Variants in SLC9A9 observed in about 807,000 individuals in gnomAD.
SLC9A9 encodes the protein sodium/hydrogen exchanger 9.
SLC9A9 carries 62 observed loss-of-function variants against 77.8 expected under a neutral mutation model. That is an observed-to-expected ratio of 0.80 (90% CI 0.65 to 0.98). The LOEUF is 0.98. Ranked by LOEUF, SLC9A9 falls within the 50% of genes least tolerant of loss-of-function variation. The pLI is 0.00. For synonymous variants in SLC9A9, 320 were observed against 283.5 expected, an observed-to-expected ratio of 1.13 and a Z score of -1.29; for missense variants, 775 against 774.9, an observed-to-expected ratio of 1.00 and a Z score of 0.00.
chr3:143,441,378 G>C (rs1326084051), intron 12 of SLC9A9, among the ~76,000 whole-genome samples: 1 of 152,134 alleles, frequency 6.6e-6, no homozygotes, highest in Non-Finnish European at 1.5e-5. Context: ...AATAACGTGG[G>C]ATCCTCACAG....
chr3:143,749,297 T>A (rs560793994), intron 4 of SLC9A9, among the ~76,000 whole-genome samples: 12 of 152,328 alleles, frequency 7.9e-5, no homozygotes, highest in African/African-American at 2.9e-4. Context: ...TCTCTACTCC[T>A]GTTTTCCTCC....
intron 14 of SLC9A9, among the ~76,000 whole-genome samples, chr3:143,277,843 C>T (rs937455865): frequency 6.6e-6 from 1 of 152,174 alleles, no homozygotes; most frequent in African/African-American, 2.4e-5. Flanking sequence ...CTCTGAGAAG[C>T]AACTGTGCTC....
At chr3:143,380,273 G>A (rs2033273014) in intron 13 of SLC9A9, among the ~76,000 whole-genome samples, 1 of 152,134 alleles carries the variant, frequency 6.6e-6, no homozygotes, top group South Asian at 2.1e-4. Context: ...ACATGAATGA[G>A]ATAAAATAAA....
intron 12 of SLC9A9, among the ~76,000 whole-genome samples, chr3:143,394,626 A>G (rs1559896442): frequency 6.6e-6 from 1 of 152,200 alleles, no homozygotes; most frequent in Non-Finnish European, 1.5e-5. Flanking sequence ...AGAAGGAAAT[A>G]AAGGGTATTC....
chr3:143,678,269 G>A (rs1179950345), intron 5 of SLC9A9, among the ~76,000 whole-genome samples: 2 of 151,990 alleles, frequency 1.3e-5, no homozygotes, highest in African/African-American at 4.8e-5. Flanking sequence ...TCTATTGACT[G>A]TTTATGGTGT....
chr3:143,809,773 C>A (rs1383644212), intron 2 of SLC9A9, among the ~76,000 whole-genome samples: 1 of 152,138 alleles, frequency 6.6e-6, no homozygotes, highest in Admixed American at 6.5e-5. Context: ...TGGAAATGTT[C>A]TTTCCTTGTA....
At chr3:143,721,707 G>A (rs1030754576) in intron 4 of SLC9A9, among the ~76,000 whole-genome samples, 2 of 152,150 alleles carry the variant, frequency 1.3e-5, no homozygotes, top group Admixed American at 6.5e-5. Context: ...CGAGCCTCGG[G>A]CAGAAGTGAC....
chr3:143,748,852 C>G (rs1051488832), intron 4 of SLC9A9, among the ~76,000 whole-genome samples: 1 of 151,340 alleles, frequency 6.6e-6, no homozygotes, highest in Non-Finnish European at 1.5e-5. Context: ...TACAGGCGCC[C>G]GCCACCGCGC....
At chr3:143,485,435 TA>T (rs1559936008) in intron 11 of SLC9A9, among the ~76,000 whole-genome samples, 1 of 152,080 alleles carries the variant, frequency 6.6e-6, no homozygotes, top group Non-Finnish European at 1.5e-5. Flanking sequence ...ATTAGGTCAT[TA>T]AAAAATAACT....
At chr3:143,681,617 T>C (rs372212377) in intron 5 of SLC9A9, among the ~76,000 whole-genome samples, 5 of 152,370 alleles carry the variant, frequency 3.3e-5, no homozygotes, top group African/African-American at 4.8e-5. Context: ...GAGTTCTTTT[T>C]ATAAGATTTC....
chr3:143,518,044 A>G, intron 9 of SLC9A9: 1 of 1,457,372 alleles, frequency 6.9e-7, no homozygotes, highest in Non-Finnish European at 9.5e-7. Flanking sequence ...CCACCTTCTT[A>G]CTGTCAGGTT....
rs138299878 is a variant in SLC9A9, at chr3:143,384,239, G to A, written c.1470-2125C>T. On this transcript the variant is annotated intron_variant, in intron 12 of 15. Transcript: ENST00000316549. ...AGAGGGGTGGGGGTGGCCTGCCTCC[G>A]ACAGTGGGACCCAGGTGTGGAGGCT... Among the ~76,000 whole-genome samples the A allele has an allele frequency of 5.9e-3, 890 of 151,382 alleles. 4 individuals carry two copies. Among genetic ancestry groups the A allele is most frequent in the Non-Finnish European group, 8.8e-3 (594 of 67,752 alleles).
chr3:143,379,650 C>G (rs16853522), intron 13 of SLC9A9, among the ~76,000 whole-genome samples: 16,494 of 152,194 alleles, frequency 0.11, 988 homozygotes, highest in South Asian at 0.16. Flanking sequence ...CAGGAGGCCC[C>G]AAGTGAGAAA....
intron 14 of SLC9A9, among the ~76,000 whole-genome samples, chr3:143,296,499 T>C (rs1302734922): frequency 1.3e-5 from 2 of 152,254 alleles, no homozygotes; most frequent in Non-Finnish European, 2.9e-5. Context: ...GCTTTGGCTA[T>C]TGTGAATAAT....
At chr3:143,509,949 A>G (rs1193436029) in intron 9 of SLC9A9, among the ~76,000 whole-genome samples, 3 of 152,206 alleles carry the variant, frequency 2.0e-5, no homozygotes, top group Non-Finnish European at 4.4e-5. Flanking sequence ...CAGTGTGCCC[A>G]GGTAACTTCT....
At chr3:143,678,573 C>A (rs1295260620) in intron 5 of SLC9A9, among the ~76,000 whole-genome samples, 1 of 152,032 alleles carries the variant, frequency 6.6e-6, no homozygotes, top group African/African-American at 2.4e-5. Flanking sequence ...ATTGAAAGAC[C>A]ACCTCTGTCA....
At chr3:143,413,296 CTG>C (rs2034131800) in intron 12 of SLC9A9, among the ~76,000 whole-genome samples, 1 of 152,142 alleles carries the variant, frequency 6.6e-6, no homozygotes, top group African/African-American at 2.4e-5. Flanking sequence ...GGAAGATGAA[CTG>C]TGAGGGGGAA....
At chr3:143,393,962 G>C (rs1303169116) in intron 12 of SLC9A9, among the ~76,000 whole-genome samples, 1 of 151,942 alleles carries the variant, frequency 6.6e-6, no homozygotes, top group Non-Finnish European at 1.5e-5. Context: ...ATAATTAACA[G>C]CTTACCAACC....
chr3:143,477,767 T>C (rs2035505531), intron 11 of SLC9A9, among the ~76,000 whole-genome samples: 1 of 152,180 alleles, frequency 6.6e-6, no homozygotes, highest in Non-Finnish European at 1.5e-5. Flanking sequence ...GACTATTTTT[T>C]AACAGCTGAG....
Sources: allele counts gnomAD v4.1 joint callset (sites outside exome capture counted in the v4.1 genomes callset), GRCh38; gene constraint gnomAD v4.1.1; transcripts MANE v1.5; gene names NCBI Gene and HGNC (gene_info 2026-07-23, HGNC 2026-07-21).